ZNF385D: variants seen among roughly 807,000 people sequenced by gnomAD.
ZNF385D encodes zinc finger protein 659.
A neutral mutation model predicts 35.8 loss-of-function variants in ZNF385D; 15 were observed. The ratio of observed to expected loss-of-function variants is 0.42; its 90% confidence interval spans 0.28 to 0.64. The LOEUF is 0.64. Among genes scored for constraint, ZNF385D ranks in the 30% least tolerant of loss-of-function variants. The probability of loss-of-function intolerance (pLI) is 0.23; values close to 1 mark genes in which losing one functional copy is unlikely to be tolerated. For synonymous variants in ZNF385D, 212 were observed against 186.8 expected (o/e 1.13, Z -1.10); for missense variants, 474 against 494.6 (o/e 0.96, Z 0.39).
Position 21,588,106 on chromosome 3 carries a change from G to A in ZNF385D, c.166-23422C>T, listed in dbSNP as rs144337283. On this transcript the variant is annotated intron_variant, in intron 2 of 7. Coordinates refer to ENST00000281523, the MANE Select transcript of ZNF385D (RefSeq NM_024697.3). ...GTCTCAATGAGTGTGCAGTCTAGTG[G>A]GGATGACAAATGTATGTAGAGATAA... is the stretch of plus-strand genomic sequence containing the variant. 5.2e-4 allele frequency among the ~76,000 whole-genome samples: 79 copies of A among 152,126 alleles called. 1 individual carries two copies. Among genetic ancestry groups the A allele is most frequent in the Admixed American group, 2.2e-3 (34 of 15,272 alleles).
At chr3:22,365,380 C>T (rs952604133) in intron 2 of ZNF385D, among the ~76,000 whole-genome samples, 2 of 152,008 alleles carry the variant, frequency 1.3e-5, no homozygotes, top group African/African-American at 4.8e-5. Context: ...AAAAATGGTT[C>T]TTACCTTTCT....
intron 3 of ZNF385D, among the ~76,000 whole-genome samples, chr3:21,947,751 T>C (rs1165866364): frequency 1.3e-5 from 2 of 152,238 alleles, no homozygotes; most frequent in Non-Finnish European, 2.9e-5. Flanking sequence ...TGTATTTTTG[T>C]TGATACACCA....
chr3:21,867,108 A>G (rs1284895018), intron 3 of ZNF385D, among the ~76,000 whole-genome samples: 1 of 152,108 alleles, frequency 6.6e-6, no homozygotes, highest in Non-Finnish European at 1.5e-5. Context: ...TTGCTGCATC[A>G]TTACATGTTA....
chr3:21,988,202 T>C (rs1381205591), intron 3 of ZNF385D, among the ~76,000 whole-genome samples: 7 of 129,426 alleles, frequency 5.4e-5, no homozygotes, highest in Admixed American at 1.5e-4. Context: ...CTTTGTTCCG[T>C]TGCTGGTGAG....
intron 2 of ZNF385D, among the ~76,000 whole-genome samples, chr3:21,660,005 C>A (rs114690531): frequency 6.6e-6 from 1 of 152,052 alleles, no homozygotes; most frequent in South Asian, 2.1e-4. Flanking sequence ...TAAAACTCCT[C>A]GACTTGTTGA....
chr3:21,854,486 C>T (rs1164419890), intron 3 of ZNF385D, among the ~76,000 whole-genome samples: 1 of 151,930 alleles, frequency 6.6e-6, no homozygotes, highest in East Asian at 1.9e-4. Context: ...AGGCCTTGCA[C>T]TTGGTTTAAT....
chr3:22,056,396 C>T (rs1280426109), intron 3 of ZNF385D, among the ~76,000 whole-genome samples: 1 of 151,098 alleles, frequency 6.6e-6, no homozygotes, highest in African/African-American at 2.4e-5. Context: ...CTATTACAGA[C>T]CATGGCAAAG....
rs1176902658 is a variant in ZNF385D, at chr3:21,465,718, TACA to T, written c.440-28518_440-28516del. Among the ~76,000 whole-genome samples the T allele has an allele frequency of 6.6e-6, 1 of 152,244 alleles. No homozygotes were observed. Among genetic ancestry groups the T allele is most frequent in the Non-Finnish European group, 1.5e-5 (1 of 68,042 alleles). The stretch of plus-strand genomic sequence containing the variant: ...CTGTGAAAATTCACCTGTGTGAATT[TACA>T]ACATTTCTATAATTTGTTTCTTTAT... On this transcript the variant is annotated intron_variant, in intron 4 of 7. Transcript: ENST00000281523. This position sits in a 1 kb window ranked among gnomAD's most constrained non-coding sequence, Gnocchi z 4.2.
At chr3:22,003,175 A>C (rs1695958528) in intron 3 of ZNF385D, among the ~76,000 whole-genome samples, 1 of 152,158 alleles carries the variant, frequency 6.6e-6, no homozygotes, top group African/African-American at 2.4e-5. Context: ...TAAAAACAAA[A>C]CCTAAATATT....
chr3:21,798,780 G>A (rs2072267714), intron 3 of ZNF385D, among the ~76,000 whole-genome samples: 1 of 152,090 alleles, frequency 6.6e-6, no homozygotes, highest in East Asian at 1.9e-4. Context: ...GGCTACTTTA[G>A]AATTCTCAGT....
At chr3:21,758,335 T>C (rs1382007729) in intron 3 of ZNF385D, among the ~76,000 whole-genome samples, 3 of 152,150 alleles carry the variant, frequency 2.0e-5, no homozygotes, top group East Asian at 1.9e-4. Flanking sequence ...AGGTTAGTGA[T>C]TGGAACATGC....
chr3:21,878,638 C>T (rs1379845683), intron 3 of ZNF385D, among the ~76,000 whole-genome samples: 1 of 151,914 alleles, frequency 6.6e-6, no homozygotes, highest in African/African-American at 2.4e-5. Context: ...TTATAAACAG[C>T]ACTGTAATGA....
intron 3 of ZNF385D, among the ~76,000 whole-genome samples, chr3:21,918,047 A>G (rs1206063690): frequency 6.6e-6 from 1 of 152,214 alleles, no homozygotes; most frequent in African/African-American, 2.4e-5. Context: ...TTTGACTTAG[A>G]GATGGAGCAG....
intron 3 of ZNF385D, among the ~76,000 whole-genome samples, chr3:21,866,000 A>C (rs2125837974): frequency 6.6e-6 from 1 of 152,244 alleles, no homozygotes; most frequent in South Asian, 2.1e-4. Context: ...AGATTATATT[A>C]TCATTTAATA....
intron 1 of ZNF385D, among the ~76,000 whole-genome samples, chr3:21,677,114 A>T (rs1027851035): frequency 6.6e-6 from 1 of 152,112 alleles, no homozygotes; most frequent in African/African-American, 2.4e-5. Flanking sequence ...AAACACAAGG[A>T]TTAAAGCTAA....
In ZNF385D at chr3:22,174,290, A is replaced by G. The variant is rs186776231; in HGVS notation, c.107-5255T>C. ...CATCGTTTTGTCTATGATTGCCTTT[A>G]GTCACTGTTCTTGCATCTGATGCCT... On this transcript the variant is annotated intron_variant, in intron 2 of 5. Coordinates refer to the ZNF385D transcript ENST00000494108. Among the ~76,000 whole-genome samples, 42 of 152,252 alleles carry G rather than the reference A, an allele frequency of 2.8e-4. No individual in the cohort carries two copies. In the East Asian group the frequency reaches 7.7e-3, roughly 28 times the overall value.
At chr3:21,579,244 A>C (rs1312643460) in intron 2 of ZNF385D, 1 of 152,220 alleles carries the variant, frequency 6.6e-6, no homozygotes, top group East Asian at 1.9e-4. Flanking sequence ...GGCATTATTA[A>C]TTGAAAAGGA....
chr3:22,172,215 A>G (rs1694503407), intron 2 of ZNF385D, among the ~76,000 whole-genome samples: 1 of 152,208 alleles, frequency 6.6e-6, no homozygotes, highest in South Asian at 2.1e-4. Flanking sequence ...AGACAGCACT[A>G]TTTAACATGT....
chr3:21,444,355 C>T (rs780481091), intron 4 of ZNF385D, among the ~76,000 whole-genome samples: 9 of 149,686 alleles, frequency 6.0e-5, no homozygotes, highest in East Asian at 3.9e-4. Flanking sequence ...GCTGGGATTA[C>T]GGGCGTGAGC....
Sources: gnomAD v4.1 joint callset for allele counts (sites outside exome capture counted in the v4.1 genomes callset) on GRCh38, gnomAD v4.1.1 for gene constraint, Gnocchi (gnomAD v3.1) non-coding constraint, MANE v1.5 for transcripts, NCBI Gene and HGNC (gene_info 2026-07-23, HGNC 2026-07-21) for gene names.